ZNF483: variants seen among roughly 807,000 people sequenced by gnomAD.
ZNF483 encodes the protein zinc finger protein 483.
Under a neutral mutation model 28.6 loss-of-function variants are expected in ZNF483, and 9 were observed. That is an observed-to-expected ratio of 0.32 (90% CI 0.19 to 0.55). ZNF483 has a LOEUF of 0.55. Ranked by LOEUF, ZNF483 falls within the 20% of genes least tolerant of loss-of-function variation. ZNF483 has a pLI of 0.93. For synonymous variants in ZNF483, 322 were observed against 306.2 expected (o/e 1.05, Z -0.54); for missense variants, 675 against 871.7 (o/e 0.77, Z 2.84).
Position 111,549,844 on chromosome 9 carries a change from G to T in ZNF483, c.*6674G>T. ...ATTTAGCTCTTTGAGCATCTTTAAG[G>T]CAGTTGCTTTAAAGTCTGTCTAGTG... On this transcript the variant is annotated 3_prime_UTR_variant, in exon 6 of 6. Coordinates refer to ENST00000309235, the MANE Select transcript of ZNF483 (RefSeq NM_133464.5). 1 of 1,281,088 alleles carries T rather than the reference G, an allele frequency of 7.8e-7. No individual in the cohort carries two copies. 79.4% of individuals were successfully genotyped at this position (1,281,088 alleles called of 1,614,324 possible).
At position 111,546,662 on chromosome 9, in the gene ZNF483, AT is replaced by A. The variant is rs950920756; in HGVS notation, c.*3498del. ...AAGTCATTTTATTTATTTTAGAATT[AT>A]TTTTTAATGTAGTAAGATACATATA... On this transcript the variant is annotated 3_prime_UTR_variant, in exon 6 of 6. Coordinates refer to ENST00000309235, the MANE Select transcript of ZNF483 (RefSeq NM_133464.5). Among the ~76,000 whole-genome samples the A allele has an allele frequency of 1.3e-5, 2 of 152,126 alleles. No individual in the cohort carries two copies. Among genetic ancestry groups the A allele is most frequent in the Admixed American group, 6.5e-5 (1 of 15,276 alleles).
chr9:111,541,626 C>A (rs1395923253), intron 5 of ZNF483, 31 bp from the exon 6 acceptor site: 2 of 1,529,192 alleles, frequency 1.3e-6, no homozygotes, highest in Admixed American at 2.1e-5. Flanking sequence ...TTCTTGCAAA[C>A]AGGAAATATT....
At chr9:111,555,556 GACTC>G (rs1828097348), downstream of ZNF483, among the ~76,000 whole-genome samples, 1 of 152,206 alleles carries the variant, frequency 6.6e-6, no homozygotes, top group South Asian at 2.1e-4. Context: ...AGGCTTAACT[GACTC>G]ACAGTTCCGC....
intron 5 of ZNF483, among the ~76,000 whole-genome samples, chr9:111,569,206 C>A (rs1217647091): frequency 6.6e-6 from 1 of 152,024 alleles, no homozygotes; most frequent in Non-Finnish European, 1.5e-5. Context: ...CATACTGAGC[C>A]CAGACGAGCT....
At chr9:111,559,647 GCACA>G (rs60224675), downstream of ZNF483, among the ~76,000 whole-genome samples, 1 of 150,604 alleles carries the variant, frequency 6.6e-6, no homozygotes, top group South Asian at 2.1e-4. Flanking sequence ...CACACATACA[GCACA>G]CACACACACA....
chr9:111,547,094 A>G lies in ZNF483; in HGVS notation c.*3924A>G, dbSNP rs4979005. Among the ~76,000 whole-genome samples, 90,223 of 151,924 alleles carry G rather than the reference A, an allele frequency of 0.59. 27,250 individuals are homozygous for G. The highest frequency in any genetic ancestry group is 0.65 in the Non-Finnish European group (44,156 of 67,900). The stretch of plus-strand genomic sequence containing the variant: ...TTGTTTATCCTTTTATCTGCCAGTG[A>G]ACATTTAAGTTGTTTGCACCATTTT... On this transcript the variant is annotated 3_prime_UTR_variant, in exon 6 of 6. Coordinates refer to ENST00000309235, the MANE Select transcript of ZNF483 (RefSeq NM_133464.5).
downstream of ZNF483, among the ~76,000 whole-genome samples, chr9:111,556,881 A>G (rs894927002): frequency 1.3e-5 from 2 of 152,232 alleles, no homozygotes; most frequent in Non-Finnish European, 2.9e-5. Context: ...GAGTCAATTA[A>G]GCCCAAGCTA....
chr9:111,529,934 G>C (rs1017923035), intron 2 of ZNF483, among the ~76,000 whole-genome samples: 5 of 152,212 alleles, frequency 3.3e-5, no homozygotes, highest in Non-Finnish European at 7.3e-5. Context: ...TCCTGAAACA[G>C]CTCCTGAGCT....
chr9:111,576,315 A>C (rs1829052674), intron 5 of ZNF483: 1 of 1,604,772 alleles, frequency 6.2e-7, no homozygotes, highest in African/African-American at 1.3e-5. Context: ...CTAAAATTTT[A>C]TTTGTAACCT....
At chr9:111,568,954 G>C (rs1255256759) in intron 5 of ZNF483, among the ~76,000 whole-genome samples, 1 of 152,212 alleles carries the variant, frequency 6.6e-6, no homozygotes, top group African/African-American at 2.4e-5. Flanking sequence ...TTAGAGATTA[G>C]ACATGGGTAC....
At chr9:111,560,219 G>A (rs10980943), downstream of ZNF483, among the ~76,000 whole-genome samples, 10,479 of 151,948 alleles carry the variant, frequency 0.069, 572 homozygotes, top group East Asian at 0.26. Flanking sequence ...GGTGGCTCAC[G>A]CCTGTAATCC....
intron 5 of ZNF483, among the ~76,000 whole-genome samples, chr9:111,537,792 A>G (rs1425277577): frequency 6.6e-6 from 1 of 152,024 alleles, no homozygotes; most frequent in African/African-American, 2.4e-5. Flanking sequence ...ATGTTCAGCT[A>G]ATTTTTGTAT....
chr9:111,568,433 T>G (rs1828671350), intron 5 of ZNF483, among the ~76,000 whole-genome samples: 1 of 152,208 alleles, frequency 6.6e-6, no homozygotes. Flanking sequence ...AGACTGGTTC[T>G]CTGCTTTCGA....
chr9:111,561,148 G>GAA (rs1267075709), intron 5 of ZNF483, among the ~76,000 whole-genome samples: 426 of 34,822 alleles, frequency 0.012, 23 homozygotes, highest in East Asian at 0.025. Flanking sequence ...GGAGAGAGAG[G>GAA]GAGAGAGAGA....
At chr9:111,525,296 C>T (rs1186595401) in intron 1 of ZNF483, 34 bp downstream of exon 1, 1 of 152,230 alleles carries the variant, frequency 6.6e-6, no homozygotes, top group Non-Finnish European at 1.5e-5. Flanking sequence ...GTTTCGGGGC[C>T]GTGGCCGGGT....
At chr9:111,529,701 A>C (rs1827271708) in intron 2 of ZNF483, among the ~76,000 whole-genome samples, 1 of 152,246 alleles carries the variant, frequency 6.6e-6, no homozygotes, top group Admixed American at 6.5e-5. Flanking sequence ...TCGTGAGCTT[A>C]GGATTTGAAA....
rs528690365 is a variant in ZNF483 at position 111,568,707 on chromosome 9, C to A, written c.722-7658C>A. 3.9e-5 allele frequency among the ~76,000 whole-genome samples: 6 copies of A among 152,222 alleles called. No homozygotes were observed. The South Asian group carries it at 1.2e-3, about 32-fold the overall frequency. ...CGGTCCTACTGATATGTGGTGTCGC[C>A]CCCAGCAGCCCAGCTGTAAAATTCC... On this transcript the variant is annotated intron_variant, in intron 5 of 5. Coordinates refer to the ZNF483 transcript ENST00000358151.
Position 111,542,754 on chromosome 9 carries a change from T to A in ZNF483, c.1819T>A (p.Tyr607Asn). Residue 607 changes from tyrosine (Y) to asparagine (N), a missense_variant, in exon 6 of 6, where the codon TAT becomes AAT. Physicochemically the swap from Tyr to Asn is moderately radical, Grantham distance 143. Coordinates refer to ENST00000309235, the MANE Select transcript of ZNF483 (RefSeq NM_133464.5). This position sits in a 1 kb window ranked among gnomAD's most constrained non-coding sequence, Gnocchi z 6.2. ...HQRIHTGEKPYLCNDCGMTFS... is the reference protein window; with the variant it reads ...HQRIHTGEKPNLCNDCGMTFS... The stretch of plus-strand genomic sequence containing the variant: ...GAGAATTCACACTGGAGAAAAACCA[T>A]ATTTGTGTAATGATTGCGGAATGAC... 1 of 1,614,148 alleles carries A rather than the reference T, an allele frequency of 6.2e-7. No homozygotes were observed. Among genetic ancestry groups the A allele is most frequent in the Non-Finnish European group, 8.5e-7 (1 of 1,179,998 alleles).
intron 3 of ZNF483, among the ~76,000 whole-genome samples, 154 bp downstream of exon 3, chr9:111,531,117 C>T (rs1291064347): frequency 6.6e-6 from 1 of 151,854 alleles, no homozygotes; most frequent in African/African-American, 2.4e-5. Context: ...TCGCTTGAGC[C>T]CAAGAGTTCA....
Sources: gnomAD v4.1 joint callset for allele counts (sites outside exome capture counted in the v4.1 genomes callset) on GRCh38, gnomAD v4.1.1 for gene constraint, Gnocchi (gnomAD v3.1) non-coding constraint, MANE v1.5 for transcripts, NCBI Gene and HGNC (gene_info 2026-07-23, HGNC 2026-07-21) for gene names.